Variants in MEGF10 observed in about 807,000 individuals in gnomAD.
The protein encoded by MEGF10 is multiple EGF like domains 10.
Under a neutral mutation model 147.5 loss-of-function variants are expected in MEGF10, and 86 were observed. The observed-to-expected ratio is 0.58, with a 90% CI of 0.49 to 0.70. The LOEUF is 0.70. Among genes scored for constraint, MEGF10 ranks in the 30% least tolerant of loss-of-function variants. The pLI is 0.00. For synonymous variants in MEGF10, 478 were observed against 525.5 expected (o/e 0.91, Z 1.24); for missense variants, 1,329 against 1,487.3 (o/e 0.89, Z 1.75).
chr5:127,396,511 T>G, intron 5 of MEGF10, 21 bp from the exon 6 acceptor site: 1 of 1,509,572 alleles, frequency 6.6e-7, no homozygotes, highest in Non-Finnish European at 8.9e-7. Context: ...TGATATCCAC[T>G]GTTTCTCTCC....
intron 1 of MEGF10, among the ~76,000 whole-genome samples, chr5:127,318,655 T>G (rs1224124071): frequency 6.6e-6 from 1 of 152,096 alleles, no homozygotes; most frequent in Non-Finnish European, 1.5e-5. Flanking sequence ...ATTGAAAAAT[T>G]GACTTAAACA....
the MEGF10 span, among the ~76,000 whole-genome samples, chr5:127,232,510 T>G: frequency 6.6e-6 from 1 of 152,206 alleles, no homozygotes; most frequent in African/African-American, 2.4e-5. Flanking sequence ...GTCAATGGCA[T>G]ATGGTGTTAT....
chr5:127,310,893 G>A (rs1760259731), intron 1 of MEGF10, among the ~76,000 whole-genome samples: 4 of 152,092 alleles, frequency 2.6e-5, no homozygotes, highest in Admixed American at 2.6e-4. Flanking sequence ...TGTCTAAGAA[G>A]GCTGAGATCT....
intron 1 of MEGF10, among the ~76,000 whole-genome samples, chr5:127,314,900 G>A (rs1203754208): frequency 6.6e-6 from 1 of 152,122 alleles, no homozygotes; most frequent in East Asian, 1.9e-4. Context: ...TTTATAAGAA[G>A]GAAATGAATG....
rs539314216 is a variant in MEGF10 at position 127,461,165 on chromosome 5, G to T, written c.*3847G>T. 2.9e-4 allele frequency: 44 copies of T among 152,202 alleles called. No homozygotes were observed. In the South Asian group the frequency reaches 8.7e-3, roughly 30 times the overall value. 9.4% of individuals were successfully genotyped at this position (152,202 alleles called of 1,614,324 possible). On this transcript the variant is annotated 3_prime_UTR_variant, in exon 25 of 25. Transcript: ENST00000503335. ...ACTTTCATCGTTCTTAGCCTACATT[G>T]TCATTTATATCACCAAATGAGTTTA...
chr5:127,340,343 A>G (rs1004566512), intron 3 of MEGF10, among the ~76,000 whole-genome samples, 187 bp from the exon 4 acceptor site: 4 of 152,308 alleles, frequency 2.6e-5, no homozygotes, highest in Admixed American at 6.5e-5. Context: ...AAATCATGAA[A>G]CTACTGACCC....
At position 127,386,766 on chromosome 5, in the gene MEGF10, G is replaced by A. The variant is rs918782028; in HGVS notation, c.413-9766G>A. Among the ~76,000 whole-genome samples the A allele has an allele frequency of 5.3e-5, 8 of 152,314 alleles. 1 individual carries two copies. The highest frequency in any genetic ancestry group is 2.0e-4 in the Admixed American group (3 of 15,308). Reference sequence around the variant, plus strand: ...AATAATACAAACCAAGGTCAGACACGTTAGTGCAGCTTCATACACAGTTGG... The same window carrying A: ...AATAATACAAACCAAGGTCAGACACATTAGTGCAGCTTCATACACAGTTGG... On this transcript the variant is annotated intron_variant, in intron 5 of 24. Coordinates refer to ENST00000503335, the MANE Select transcript of MEGF10 (RefSeq NM_001256545.2).
chr5:127,434,539 G>A, intron 14 of MEGF10, 148 bp from the exon 15 acceptor site: 1 of 865,968 alleles, frequency 1.2e-6, no homozygotes, highest in East Asian at 2.9e-5. Context: ...TGTTGTTCTT[G>A]TTTTCTACTT....
intron 5 of MEGF10, among the ~76,000 whole-genome samples, chr5:127,379,196 G>A (rs562271725): frequency 3.7e-4 from 56 of 151,392 alleles, no homozygotes; most frequent in Middle Eastern, 3.4e-3. Context: ...TCCATGCCAC[G>A]TTCTCTCTAA....
chr5:127,322,872 G>A (rs912851003), intron 1 of MEGF10, among the ~76,000 whole-genome samples: 1 of 152,010 alleles, frequency 6.6e-6, no homozygotes, highest in African/African-American at 2.4e-5. Context: ...TAGAAGTAAA[G>A]GAGCCTAATG....
At position 127,453,241 on chromosome 5, in the gene MEGF10, G is replaced by A. The variant is rs74461131; in HGVS notation, c.2981-1325G>A. Among the ~76,000 whole-genome samples, 188 of 152,284 alleles carry A rather than the reference G, an allele frequency of 1.2e-3. 1 individual carries two copies. Among genetic ancestry groups the A allele is most frequent in the Non-Finnish European group, 2.5e-3 (169 of 68,034 alleles). On this transcript the variant is annotated intron_variant, in intron 22 of 24. Transcript: ENST00000503335. ...TATTGTATTGTATTTCAAAAGATTA[G>A]TGATGAAGTTTTGCCATATTGCCCA...
chr5:127,406,720 C>T (rs1208455780), intron 8 of MEGF10, among the ~76,000 whole-genome samples: 1 of 151,996 alleles, frequency 6.6e-6, no homozygotes, highest in East Asian at 1.9e-4. Flanking sequence ...ATAGATTGCC[C>T]AAATAAAAGG....
chr5:127,355,620 T>A (rs544318152), intron 4 of MEGF10, among the ~76,000 whole-genome samples: 4 of 152,150 alleles, frequency 2.6e-5, no homozygotes, highest in Non-Finnish European at 2.9e-5. Flanking sequence ...TTCCCACACA[T>A]CTATCGGAAC....
At chr5:127,310,709 A>AT in intron 1 of MEGF10, among the ~76,000 whole-genome samples, 1 of 152,172 alleles carries the variant, frequency 6.6e-6, no homozygotes, top group East Asian at 1.9e-4. Context: ...TCATTTATGG[A>AT]TAAAAAGAAA....
At chr5:127,364,594 G>A (rs1257039265) in intron 4 of MEGF10, among the ~76,000 whole-genome samples, 1 of 152,206 alleles carries the variant, frequency 6.6e-6, no homozygotes, top group African/African-American at 2.4e-5. Context: ...ACACAATAGG[G>A]TAGGCTGCAA....
intron 22 of MEGF10, among the ~76,000 whole-genome samples, chr5:127,454,015 C>G (rs1334560361): frequency 1.3e-5 from 2 of 152,100 alleles, no homozygotes; most frequent in African/African-American, 4.8e-5. Flanking sequence ...TAGGCTCATA[C>G]ACAATTATGT....
the MEGF10 span, among the ~76,000 whole-genome samples, chr5:127,237,132 TAAAAA>T: frequency 1.3e-5 from 2 of 151,526 alleles, no homozygotes; most frequent in African/African-American, 4.8e-5. Flanking sequence ...AGTCAGTTTT[TAAAAA>T]AAAAGGGGGT....
rs149038320 is a variant in MEGF10, at chr5:127,292,524, A to G, written c.-19+1468A>G. On this transcript the variant is annotated intron_variant, in intron 1 of 24. Coordinates refer to ENST00000503335, the MANE Select transcript of MEGF10 (RefSeq NM_001256545.2). ...ATTCCTATTTGGATGGACTTTGAAG[A>G]CTGTGCTCATCTGTAAGCTTCACTA... Among the ~76,000 whole-genome samples the G allele has an allele frequency of 2.6e-5, 4 of 152,318 alleles. No individual in the cohort carries two copies. The East Asian group carries it at 7.7e-4, about 29-fold the overall frequency.
rs187982694 is a variant in MEGF10 at position 127,426,919 on chromosome 5, G to A, written c.1693+4147G>A. ...GATCACTGTCACCTGGGAACTCTTC[G>A]AACTTGCATATTCCCAGTCCCCACC... On this transcript the variant is annotated intron_variant, in intron 13 of 24. Coordinates refer to ENST00000503335, the MANE Select transcript of MEGF10 (RefSeq NM_001256545.2). Among the ~76,000 whole-genome samples, 168 of 152,252 alleles carry A rather than the reference G, an allele frequency of 1.1e-3. 1 individual carries two copies. Among genetic ancestry groups the A allele is most frequent in the Middle Eastern group, 3.4e-3 (1 of 294 alleles).
Sources: allele counts gnomAD v4.1 joint callset (sites outside exome capture counted in the v4.1 genomes callset), GRCh38; gene constraint gnomAD v4.1.1; transcripts MANE v1.5; gene names NCBI Gene and HGNC (gene_info 2026-07-23, HGNC 2026-07-21).